PDE1C: variants seen among roughly 807,000 people sequenced by gnomAD.
PDE1C encodes the protein phosphodiesterase 1C.
Under a neutral mutation model 93.1 loss-of-function variants are expected in PDE1C, and 62 were observed. The ratio of observed to expected loss-of-function variants is 0.67; its 90% CI spans 0.54 to 0.82. PDE1C has a LOEUF of 0.82. PDE1C is among the 40% of genes least tolerant of loss of function. The probability of loss-of-function intolerance (pLI) is 0.00; values close to 1 mark genes in which losing one functional copy is unlikely to be tolerated. For missense variants in PDE1C, 742 were observed against 884.6 expected (o/e 0.84, Z 2.04); for synonymous variants, 325 against 310.1 (o/e 1.05, Z -0.50).
rs116156806 is a variant in PDE1C at position 31,910,469 on chromosome 7, G to A, written c.129-29609C>T. ...AGCTCCACCCCATACTCCAGAAGAC[G>A]GGTGACAGGCACTATCTACTTGCTC... On this transcript the variant is annotated intron_variant, in intron 2 of 17. Transcript: ENST00000396191. Among the ~76,000 whole-genome samples, 435 of 152,226 alleles carry A rather than the reference G, an allele frequency of 2.9e-3. 2 individuals carry two copies. Among genetic ancestry groups the A allele is most frequent in the African/African-American group, 9.6e-3 (400 of 41,530 alleles).
the PDE1C span, among the ~76,000 whole-genome samples, chr7:31,745,147 G>C: frequency 6.6e-6 from 1 of 152,204 alleles, no homozygotes; most frequent in Non-Finnish European, 1.5e-5. Flanking sequence ...GATTTTAACA[G>C]AATGAAAACT....
intron 2 of PDE1C, among the ~76,000 whole-genome samples, chr7:31,918,927 A>G (rs73308638): frequency 0.037 from 5,703 of 152,276 alleles, 340 homozygotes; most frequent in African/African-American, 0.13. Context: ...GGGACAGACT[A>G]ATGTAAAACA....
At chr7:32,240,670 G>A (rs1251458744) in intron 1 of PDE1C, among the ~76,000 whole-genome samples, 1 of 152,124 alleles carries the variant, frequency 6.6e-6, no homozygotes, top group Non-Finnish European at 1.5e-5. Context: ...CTGAATGAGA[G>A]AGCTAGGAAC....
intron 2 of PDE1C, among the ~76,000 whole-genome samples, chr7:31,959,311 A>G (rs1343330640): frequency 6.6e-6 from 1 of 152,052 alleles, no homozygotes; most frequent in Non-Finnish European, 1.5e-5. Context: ...CTCAGGTTCA[A>G]GTGATTCTCC....
At position 32,110,898 on chromosome 7, in the gene PDE1C, T is replaced by C. The variant is rs184684386; in HGVS notation, c.308+58887A>G. Reference sequence around the variant, plus strand: ...ATCTCACATTGAACATACTCTCACATTGAACACATCTCACATTGAACATAC... The same window carrying C: ...ATCTCACATTGAACATACTCTCACACTGAACACATCTCACATTGAACATAC... On this transcript the variant is annotated intron_variant, in intron 3 of 18. Transcript: ENST00000396193. Among the ~76,000 whole-genome samples the C allele has an allele frequency of 3.6e-3, 545 of 152,252 alleles. 5 individuals are homozygous for C. The highest frequency in any genetic ancestry group is 4.4e-3 in the Non-Finnish European group (299 of 68,012).
chr7:32,422,910 AG>A (rs1341911726), intron 1 of PDE1C, among the ~76,000 whole-genome samples: 2 of 152,236 alleles, frequency 1.3e-5, no homozygotes, highest in Non-Finnish European at 2.9e-5. Context: ...ACTTGAATCC[AG>A]AATCTCTTTC....
intron 2 of PDE1C, among the ~76,000 whole-genome samples, chr7:32,190,624 G>A (rs1229104939): frequency 6.6e-6 from 1 of 152,184 alleles, no homozygotes; most frequent in East Asian, 1.9e-4. Flanking sequence ...AGTTGGCACA[G>A]ATCTTGAATC....
chr7:31,830,944 G>A (rs114253977), intron 11 of PDE1C, among the ~76,000 whole-genome samples: 118 of 152,278 alleles, frequency 7.7e-4, no homozygotes, highest in African/African-American at 2.6e-3. Flanking sequence ...GTTTATGTGT[G>A]TTGTTATACA....
intron 1 of PDE1C, among the ~76,000 whole-genome samples, chr7:32,232,191 A>G (rs995984520): frequency 6.6e-6 from 1 of 152,098 alleles, no homozygotes; most frequent in African/African-American, 2.4e-5. Context: ...CAAATTTTCC[A>G]TTTTTTCCTG....
At chr7:32,128,904 CAAATATATATAT>C (rs1799740415) in intron 3 of PDE1C, among the ~76,000 whole-genome samples, 1 of 40,796 alleles carries the variant, frequency 2.5e-5, no homozygotes, top group African/African-American at 8.8e-5. Context: ...TAAAGTATAA[CAAATATATATAT>C]ATATATATAT....
At chr7:31,798,194 G>T (rs1333427075) in intron 16 of PDE1C, among the ~76,000 whole-genome samples, 1 of 151,776 alleles carries the variant, frequency 6.6e-6, no homozygotes, top group South Asian at 2.1e-4. Context: ...ATTTCACATT[G>T]TACATCAGTA....
chr7:32,181,797 A>T (rs1803453050), intron 2 of PDE1C, among the ~76,000 whole-genome samples: 1 of 152,222 alleles, frequency 6.6e-6, no homozygotes, highest in Admixed American at 6.5e-5. Context: ...AATAACTAAG[A>T]TCAGAGCAGA....
chr7:31,939,203 A>G (rs1394045751), intron 2 of PDE1C, among the ~76,000 whole-genome samples: 1 of 152,104 alleles, frequency 6.6e-6, no homozygotes, highest in Non-Finnish European at 1.5e-5. Flanking sequence ...TCTGTTAAAC[A>G]CACAGAGAGA....
chr7:31,620,762 A>G, the PDE1C span, among the ~76,000 whole-genome samples: 1 of 152,234 alleles, frequency 6.6e-6, no homozygotes, highest in Non-Finnish European at 1.5e-5. Context: ...TGGATGGAGA[A>G]TGACTTTGAG....
At chr7:31,870,983 A>G (rs1358345271) in intron 6 of PDE1C, among the ~76,000 whole-genome samples, 1 of 151,424 alleles carries the variant, frequency 6.6e-6, no homozygotes, top group African/African-American at 2.4e-5. Context: ...GTATATTTTT[A>G]TACTATTAGT....
the PDE1C span, among the ~76,000 whole-genome samples, chr7:31,691,083 T>G: frequency 1.3e-5 from 2 of 152,102 alleles, no homozygotes; most frequent in Non-Finnish European, 2.9e-5. Context: ...GTTGGCAATC[T>G]CTATACAAAC....
chr7:31,964,310 C>T (rs139750332), intron 2 of PDE1C, among the ~76,000 whole-genome samples: 6,915 of 152,300 alleles, frequency 0.045, 514 homozygotes, highest in African/African-American at 0.15. Context: ...GGAGATTATA[C>T]CCCACACCTG....
intron 1 of PDE1C, among the ~76,000 whole-genome samples, chr7:32,423,294 T>A (rs1785467424): frequency 1.3e-5 from 2 of 152,186 alleles, no homozygotes; most frequent in Non-Finnish European, 2.9e-5. Flanking sequence ...GGAGGATTGC[T>A]TAAGCACAGG....
chr7:31,912,412 G>A (rs1157505282), intron 2 of PDE1C, among the ~76,000 whole-genome samples: 1 of 152,158 alleles, frequency 6.6e-6, no homozygotes, highest in Admixed American at 6.5e-5. Flanking sequence ...AAGGCCGGGT[G>A]TGGTGGCTCA....
Sources: gnomAD v4.1 joint callset for allele counts (sites outside exome capture counted in the v4.1 genomes callset) on GRCh38, gnomAD v4.1.1 for gene constraint, MANE v1.5 for transcripts, NCBI Gene and HGNC (gene_info 2026-07-23, HGNC 2026-07-21) for gene names.